Variants in ROBO2 observed in about 807,000 individuals in gnomAD.
The protein encoded by ROBO2 is roundabout homolog 2.
A neutral mutation model predicts 160.8 loss-of-function variants in ROBO2; 53 were observed. The observed-to-expected ratio is 0.33, with a 90% CI of 0.26 to 0.41. The LOEUF (loss-of-function observed/expected upper bound fraction) is 0.41, where lower values mean the gene tolerates loss of function less well. ROBO2 is among the 10% of genes least tolerant of loss of function. ROBO2 has a pLI of 1.00. For synonymous variants in ROBO2, 664 were observed against 611.7 expected (o/e 1.09, Z -1.26); for missense variants, 1,577 against 1,722.4 (o/e 0.92, Z 1.49).
chr3:77,134,417 T>C (rs2076108993), intron 2 of ROBO2, among the ~76,000 whole-genome samples: 1 of 152,222 alleles, frequency 6.6e-6, no homozygotes, highest in South Asian at 2.1e-4. Flanking sequence ...AGTAATCTAT[T>C]CTTCTCAGAG....
In ROBO2 at chr3:77,260,097, T is replaced by C. The variant is rs369781232; in HGVS notation, c.388+161757T>C. 3.2e-4 allele frequency among the ~76,000 whole-genome samples: 48 copies of C among 152,272 alleles called. No individual in the cohort carries two copies. In the South Asian group the frequency reaches 1.0e-2, roughly 32 times the overall value. On this transcript the variant is annotated intron_variant, in intron 2 of 25. Transcript: ENST00000461745. ...CTATCAACTTATTCCTTTTAATGTATCTACAATGTCTGATGAAAGTAATAA... is the reference window on the plus strand; with the variant it reads ...CTATCAACTTATTCCTTTTAATGTACCTACAATGTCTGATGAAAGTAATAA...
intron 2 of ROBO2, among the ~76,000 whole-genome samples, chr3:76,547,739 G>T (rs2083191298): frequency 6.6e-6 from 1 of 151,964 alleles, no homozygotes; most frequent in Non-Finnish European, 1.5e-5. Context: ...GCTTGAACAG[G>T]ATCTTGTTAT....
At chr3:76,262,304 T>G (rs1217163872) in intron 2 of ROBO2, among the ~76,000 whole-genome samples, 9 of 152,124 alleles carry the variant, frequency 5.9e-5, no homozygotes, top group Non-Finnish European at 2.9e-5. Context: ...TGCTTTTTTT[T>G]TTCCCCATCA....
chr3:76,104,004 T>A (rs1202091932), intron 2 of ROBO2, among the ~76,000 whole-genome samples: 3 of 152,196 alleles, frequency 2.0e-5, no homozygotes, highest in African/African-American at 7.2e-5. Context: ...TGTTTCACTT[T>A]CCCTGTAAGG....
At chr3:76,168,187 G>A (rs996919624) in intron 2 of ROBO2, among the ~76,000 whole-genome samples, 1 of 152,222 alleles carries the variant, frequency 6.6e-6, no homozygotes, top group Admixed American at 6.5e-5. Flanking sequence ...TTATTACAAT[G>A]GCATTTAGAG....
intron 2 of ROBO2, among the ~76,000 whole-genome samples, chr3:76,925,052 C>CA (rs2076892054): frequency 6.6e-6 from 1 of 151,100 alleles, no homozygotes; most frequent in Non-Finnish European, 1.5e-5. Flanking sequence ...ACTAAAAATA[C>CA]AAAAAATTAG....
intron 2 of ROBO2, among the ~76,000 whole-genome samples, chr3:76,583,009 TAA>T (rs200415109): frequency 3.1e-4 from 41 of 133,206 alleles, no homozygotes; most frequent in Admixed American, 3.8e-4. Context: ...GGTGTGTGTT[TAA>T]AAAAAAAAAA....
chr3:76,517,772 C>T (rs1560078867), intron 2 of ROBO2, among the ~76,000 whole-genome samples: 3 of 152,102 alleles, frequency 2.0e-5, no homozygotes, highest in Non-Finnish European at 4.4e-5. Context: ...GGACTATATA[C>T]TTGAAGTCAC....
At chr3:77,286,256 C>CTTT (rs10663209) in intron 2 of ROBO2, among the ~76,000 whole-genome samples, 3,678 of 119,802 alleles carry the variant, frequency 0.031, 241 homozygotes, top group African/African-American at 0.11. Context: ...AATTATGGAG[C>CTTT]TTTTTTTTTT....
chr3:76,997,186 C>A (rs2061064417), intron 2 of ROBO2, among the ~76,000 whole-genome samples: 1 of 152,132 alleles, frequency 6.6e-6, no homozygotes, highest in Middle Eastern at 3.4e-3. Context: ...GCATGAAAAA[C>A]ACAAATCACA....
chr3:75,914,720 TAATGAG>T (rs1946738059), intron 1 of ROBO2, among the ~76,000 whole-genome samples: 2 of 152,212 alleles, frequency 1.3e-5, no homozygotes, highest in Non-Finnish European at 2.9e-5. Flanking sequence ...AAGTAACTCT[TAATGAG>T]AATGAGTAAC....
chr3:77,295,868 C>G (rs1019849712), intron 2 of ROBO2, among the ~76,000 whole-genome samples: 6 of 141,982 alleles, frequency 4.2e-5, no homozygotes, highest in Admixed American at 7.1e-5. Context: ...CTAGATCACC[C>G]CAGACACAAA....
chr3:76,011,390 T>G (rs2066190162), intron 2 of ROBO2, among the ~76,000 whole-genome samples: 1 of 152,348 alleles, frequency 6.6e-6, no homozygotes, highest in Non-Finnish European at 1.5e-5. Flanking sequence ...AATTCTTGCA[T>G]GCCTTCCTTA....
At chr3:76,497,221 T>C (rs1374625655) in intron 2 of ROBO2, among the ~76,000 whole-genome samples, 3 of 152,140 alleles carry the variant, frequency 2.0e-5, no homozygotes, top group Admixed American at 1.3e-4. Flanking sequence ...TGCCTCTGTT[T>C]AAAAGTCTCT....
chr3:76,227,654 T>G (rs1704369997), intron 2 of ROBO2, among the ~76,000 whole-genome samples: 1 of 152,168 alleles, frequency 6.6e-6, no homozygotes. Context: ...ATCCACACCT[T>G]TAGTCCAAGG....
intron 2 of ROBO2, among the ~76,000 whole-genome samples, chr3:77,253,749 A>G (rs2090631911): frequency 6.6e-6 from 1 of 152,220 alleles, no homozygotes; most frequent in African/African-American, 2.4e-5. Flanking sequence ...TTCCATAAAA[A>G]GGCTGCAGTT....
chr3:76,962,410 A>AGGCAGATCACCTGAGGTC (rs2079735409), intron 2 of ROBO2, among the ~76,000 whole-genome samples: 1 of 151,922 alleles, frequency 6.6e-6, no homozygotes, highest in African/African-American at 2.4e-5. Context: ...AGGCTGAGGC[A>AGGCAGATCACCTGAGGTC]GGCAGATCAC....
chr3:76,436,181 C>CACACACACA (rs1559941598), intron 2 of ROBO2, among the ~76,000 whole-genome samples: 1 of 151,356 alleles, frequency 6.6e-6, no homozygotes, highest in Non-Finnish European at 1.5e-5. Flanking sequence ...CACACACACA[C>CACACACACA]CATTTCTTTT....
chr3:77,193,443 G>T (rs2082050638), intron 2 of ROBO2, among the ~76,000 whole-genome samples: 1 of 133,928 alleles, frequency 7.5e-6, no homozygotes, highest in Non-Finnish European at 1.7e-5. Flanking sequence ...ACCATGCCCA[G>T]CTAAGTTTTT....
Sources: allele counts gnomAD v4.1 joint callset (sites outside exome capture counted in the v4.1 genomes callset), GRCh38; gene constraint gnomAD v4.1.1; transcripts MANE v1.5; gene names NCBI Gene and HGNC (gene_info 2026-07-23, HGNC 2026-07-21).